The following MCPH1 variants were observed in gnomAD, a reference collection of about 807,000 sequenced individuals.
MCPH1 encodes the protein microcephalin 1.
Under a neutral mutation model 84.5 loss-of-function variants are expected in MCPH1, and 104 were observed. That is an observed-to-expected ratio of 1.23 (90% CI 1.05 to 1.45). The LOEUF (loss-of-function observed/expected upper bound fraction) is 1.45. Among genes scored for constraint, MCPH1 ranks in the 40% most tolerant of loss-of-function variants. The probability of loss-of-function intolerance (pLI) is 0.00; values close to 1 mark genes in which losing one functional copy is unlikely to be tolerated. For synonymous variants in MCPH1, 514 were observed against 366.8 expected, an observed-to-expected ratio of 1.40 and a Z score of -4.58; for missense variants, 1,498 against 1,005.7, an observed-to-expected ratio of 1.49 and a Z score of -6.62.
intron 12 of MCPH1, chr8:6,500,196 G>A: frequency 6.7e-6 from 3 of 448,098 alleles, no homozygotes; most frequent in Non-Finnish European, 1.2e-5. Flanking sequence ...AAACAAAAAT[G>A]AAAAAAGACT....
rs111293392 is a variant in MCPH1 at position 6,567,349 on chromosome 8, C to T, written c.2215-54105C>T. Among the ~76,000 whole-genome samples, 870 of 150,740 alleles carry T rather than the reference C, an allele frequency of 5.8e-3. 8 individuals are homozygous for T. Among genetic ancestry groups the T allele is most frequent in the African/African-American group, 0.019 (798 of 41,058 alleles). On this transcript the variant is annotated intron_variant, in intron 12 of 13. Transcript: ENST00000344683. ...AAGGTCATGGATAGTGCACACGGTG[C>T]GGTGACCATGTTTGATCGGCAAGGC... is the stretch of plus-strand genomic sequence containing the variant.
chr8:6,648,484 A>C lies in MCPH1; in HGVS notation c.*5435A>C, dbSNP rs980607987. 6.6e-6 allele frequency: 1 copy of C among 151,754 alleles called. No individual in the cohort carries two copies. The highest frequency in any genetic ancestry group is 2.4e-5 in the African/African-American group (1 of 41,446). 9.4% of individuals were successfully genotyped at this position (151,754 alleles called of 1,614,324 possible). A position where few individuals can be genotyped will look rare whatever the true frequency, so the allele number is the denominator to read the frequency against. ...AACCTAGAACAAAAGTGGAATAAAT[A>C]AAAACTAACTGTCTCATTTCAGCAC... On this transcript the variant is annotated 3_prime_UTR_variant, in exon 14 of 14. Transcript: ENST00000344683.
At position 6,409,272 on chromosome 8, in the gene MCPH1, T is replaced by C. The variant is rs1392692408; in HGVS notation, c.23-7T>C. 6 of 1,607,234 alleles carry C rather than the reference T, an allele frequency of 3.7e-6. No individual in the cohort carries two copies. Among genetic ancestry groups the C allele is most frequent in the Non-Finnish European group, 5.1e-6 (6 of 1,173,702 alleles). On this transcript the variant is annotated splice_polypyrimidine_tract_variant and splice_region_variant and intron_variant, in intron 1 of 13. Transcript: ENST00000344683. ...ATGTATGTTTCATGTTCATATCTTG[T>C]TTTCAGATGTAGTGGCCTATGTTGA...
intron 10 of MCPH1, among the ~76,000 whole-genome samples, chr8:6,478,732 G>C (rs764810737): frequency 1.9e-4 from 29 of 150,192 alleles, no homozygotes; most frequent in Admixed American, 7.3e-4. Flanking sequence ...TTTACTTTTT[G>C]TTTTTGTTTT....
chr8:6,642,714 C>G (rs1315147516), intron 13 of MCPH1: 2 of 494,598 alleles, frequency 4.0e-6, no homozygotes, highest in East Asian at 7.8e-5. Flanking sequence ...ACTGAGTGTC[C>G]TGACACAACG....
intron 12 of MCPH1, among the ~76,000 whole-genome samples, chr8:6,572,345 T>TA (rs1826727919): frequency 6.6e-6 from 1 of 152,156 alleles, no homozygotes; most frequent in African/African-American, 2.4e-5. Context: ...CAATAAAAAT[T>TA]AAAAAATGGT....
rs756702941 is a variant in MCPH1 at position 6,499,962 on chromosome 8, C to T, written c.2214+33C>T. The T allele has an allele frequency of 5.1e-6, 8 of 1,566,396 alleles. No homozygotes were observed. In the Admixed American group the frequency reaches 8.3e-5, roughly 16 times the overall value. On this transcript the variant is annotated intron_variant, in intron 12 of 13. Transcript: ENST00000344683. ...AGATGTTGTTTTACGATGGTAAATG[C>T]AGTTTGCTGTTCTCAAGAAATTATT... is the stretch of plus-strand genomic sequence containing the variant.
At chr8:6,556,916 C>T (rs1403165599) in intron 12 of MCPH1, among the ~76,000 whole-genome samples, 1 of 152,148 alleles carries the variant, frequency 6.6e-6, no homozygotes, top group African/African-American at 2.4e-5. Flanking sequence ...CCTCTGACTT[C>T]TTCTAGGCAC....
chr8:6,417,249 C>G (rs915976537), intron 3 of MCPH1, among the ~76,000 whole-genome samples: 5 of 151,874 alleles, frequency 3.3e-5, no homozygotes, highest in Admixed American at 2.6e-4. Flanking sequence ...AGCTGTATAC[C>G]AGGGATTGGT....
intron 12 of MCPH1, among the ~76,000 whole-genome samples, chr8:6,520,733 CAAT>C (rs1817168314): frequency 6.6e-6 from 1 of 152,086 alleles, no homozygotes; most frequent in Admixed American, 6.5e-5. Flanking sequence ...CAAAGTGAAA[CAAT>C]AATAAGGAAG....
intron 6 of MCPH1, among the ~76,000 whole-genome samples, chr8:6,441,585 C>G (rs1282330565): frequency 1.3e-5 from 2 of 152,174 alleles, no homozygotes; most frequent in Admixed American, 6.5e-5. Context: ...TCTAGGATTT[C>G]TCAACCCAGC....
At chr8:6,542,947 G>C (rs1224885780) in intron 12 of MCPH1, among the ~76,000 whole-genome samples, 9 of 152,102 alleles carry the variant, frequency 5.9e-5, no homozygotes, top group Admixed American at 5.2e-4. Context: ...AGTTTTTGCT[G>C]TCCTTTATAA....
chr8:6,575,735 A>G (rs978264793), intron 12 of MCPH1, among the ~76,000 whole-genome samples: 34 of 152,316 alleles, frequency 2.2e-4, no homozygotes, highest in African/African-American at 7.9e-4. Context: ...CCCTAATCTA[A>G]TGTGACAGAT....
At chr8:6,432,399 G>T (rs754869858) in intron 4 of MCPH1, among the ~76,000 whole-genome samples, 1 of 151,520 alleles carries the variant, frequency 6.6e-6, no homozygotes, top group Non-Finnish European at 1.5e-5. Flanking sequence ...ATTTCCAATC[G>T]CGACTGGTTG....
chr8:6,540,423 A>G (rs1329761601), intron 12 of MCPH1, among the ~76,000 whole-genome samples: 3 of 152,196 alleles, frequency 2.0e-5, no homozygotes, highest in African/African-American at 4.8e-5. Context: ...TGGGCATTTC[A>G]TATGCAAAAG....
chr8:6,437,256 G>A (rs1290525381), intron 5 of MCPH1, among the ~76,000 whole-genome samples: 1 of 151,674 alleles, frequency 6.6e-6, no homozygotes, highest in Non-Finnish European at 1.5e-5. Flanking sequence ...TTTTGAGATG[G>A]AGTCTTTCTC....
intron 3 of MCPH1, among the ~76,000 whole-genome samples, chr8:6,422,707 G>C (rs939869127): frequency 2.0e-5 from 3 of 152,058 alleles, no homozygotes. Flanking sequence ...TTCTTTTCTG[G>C]AGACTGAGTC....
At chr8:6,487,671 C>A (rs1810094344) in intron 11 of MCPH1, among the ~76,000 whole-genome samples, 1 of 152,220 alleles carries the variant, frequency 6.6e-6, no homozygotes, top group Non-Finnish European at 1.5e-5. Context: ...GTCTCTCTGG[C>A]AGACATTTAT....
In MCPH1 at chr8:6,562,900, T is replaced by A. The variant is rs1825776246; in HGVS notation, c.2215-58554T>A. 9 of 1,605,972 alleles carry A rather than the reference T, an allele frequency of 5.6e-6. No individual in the cohort carries two copies. The highest frequency in any genetic ancestry group is 6.8e-6 in the Non-Finnish European group (8 of 1,173,290). ...GTTATAGGCTGCGGCCAAGACAAGATCACAGCTCAGAGTAAAGAAAACAAT... is the reference window on the plus strand; with the variant it reads ...GTTATAGGCTGCGGCCAAGACAAGAACACAGCTCAGAGTAAAGAAAACAAT... On this transcript the variant is annotated intron_variant, in intron 12 of 13. Coordinates refer to ENST00000344683, the MANE Select transcript of MCPH1 (RefSeq NM_024596.5).
Sources: allele counts gnomAD v4.1 joint callset (sites outside exome capture counted in the v4.1 genomes callset), GRCh38; gene constraint gnomAD v4.1.1; transcripts MANE v1.5; gene names NCBI Gene and HGNC (gene_info 2026-07-23, HGNC 2026-07-21).